The following PLA2G4A variants were observed in gnomAD, a reference collection of about 807,000 sequenced individuals.
PLA2G4A encodes cytosolic phospholipase A2.
Under a neutral mutation model 81.9 loss-of-function variants are expected in PLA2G4A, and 40 were observed. That is an observed-to-expected ratio of 0.49 (90% confidence interval 0.38 to 0.64). PLA2G4A has a LOEUF of 0.64. Among genes scored for constraint, PLA2G4A ranks in the 30% least tolerant of loss-of-function variants. The pLI is 0.00. For synonymous variants in PLA2G4A, 302 were observed against 296.9 expected, an observed-to-expected ratio of 1.02 and a Z score of -0.18; for missense variants, 715 against 905.1, an observed-to-expected ratio of 0.79 and a Z score of 2.69.
intron 12 of PLA2G4A, among the ~76,000 whole-genome samples, chr1:186,947,605 T>A (rs759733583): frequency 2.6e-5 from 4 of 152,200 alleles, no homozygotes; most frequent in Admixed American, 6.5e-5. Context: ...TTAATAAATT[T>A]GACTTAAAGC....
chr1:186,962,370 C>G (rs1344258440), intron 14 of PLA2G4A, among the ~76,000 whole-genome samples: 1 of 151,914 alleles, frequency 6.6e-6, no homozygotes, highest in African/African-American at 2.4e-5. Flanking sequence ...CTACCATACT[C>G]CCATTATTGT....
rs192456241 is a variant in PLA2G4A at position 186,979,483 on chromosome 1, C to T, written c.2118+11C>T. 675 of 1,538,940 alleles carry T rather than the reference C, an allele frequency of 4.4e-4. 1 individual carries two copies. Among genetic ancestry groups the T allele is most frequent in the Non-Finnish European group, 5.6e-4 (625 of 1,111,514 alleles). ...CTGAACAACATTGATGTAAGTATCT[C>T]CTATGGCCATTGACTATGTCAAATG... On this transcript the variant is annotated intron_variant, in intron 17 of 17. Transcript: ENST00000367466.
At chr1:186,950,565 CTG>C (rs1656519650) in intron 12 of PLA2G4A, 90 bp from the exon 13 acceptor site, 5 of 710,664 alleles carry the variant, frequency 7.0e-6, no homozygotes, top group South Asian at 5.9e-5. Flanking sequence ...AGATCTCACT[CTG>C]TGGTTTTGCT....
intron 5 of PLA2G4A, among the ~76,000 whole-genome samples, chr1:186,896,264 G>T (rs893313091): frequency 1.3e-5 from 2 of 152,166 alleles, no homozygotes; most frequent in African/African-American, 4.8e-5. Context: ...AATGTTACTT[G>T]TCATTGTTGC....
intron 7 of PLA2G4A, among the ~76,000 whole-genome samples, chr1:186,915,832 A>T (rs916006110): frequency 2.0e-5 from 3 of 152,156 alleles, no homozygotes; most frequent in African/African-American, 7.2e-5. Flanking sequence ...CAGACAACTA[A>T]GTCATCCTAC....
chr1:186,858,291 T>G (rs1408154557), intron 2 of PLA2G4A, among the ~76,000 whole-genome samples: 2 of 152,180 alleles, frequency 1.3e-5, no homozygotes, highest in African/African-American at 4.8e-5. Flanking sequence ...TTTTTTATGA[T>G]TGTCATTCTA....
chr1:186,943,631 T>A (rs1347747835), intron 10 of PLA2G4A, among the ~76,000 whole-genome samples: 2 of 152,112 alleles, frequency 1.3e-5, no homozygotes, highest in Non-Finnish European at 2.9e-5. Context: ...TGTAGAAGGA[T>A]CTATCAAGTA....
At chr1:186,974,364 A>C (rs1348697671) in intron 15 of PLA2G4A, among the ~76,000 whole-genome samples, 1 of 152,020 alleles carries the variant, frequency 6.6e-6, no homozygotes, top group African/African-American at 2.4e-5. Flanking sequence ...GTGTGGTGGC[A>C]CACACCTGTA....
chr1:186,974,669 C>T (rs112513385), intron 15 of PLA2G4A, among the ~76,000 whole-genome samples: 2,762 of 152,288 alleles, frequency 0.018, 94 homozygotes, highest in African/African-American at 0.063. Flanking sequence ...GGATAGCTAT[C>T]ATAGAACACA....
intron 13 of PLA2G4A, among the ~76,000 whole-genome samples, chr1:186,951,556 T>A (rs1481949808): frequency 6.6e-6 from 1 of 152,122 alleles, no homozygotes; most frequent in Non-Finnish European, 1.5e-5. Context: ...ACAGTTTGAA[T>A]ATGATCATCT....
chr1:186,867,276 A>G (rs1025902764), intron 2 of PLA2G4A, among the ~76,000 whole-genome samples: 5 of 152,110 alleles, frequency 3.3e-5, no homozygotes, highest in African/African-American at 1.2e-4. Flanking sequence ...TGTTGAATCT[A>G]TAGATCACAT....
intron 8 of PLA2G4A, among the ~76,000 whole-genome samples, chr1:186,935,972 A>G (rs923175200): frequency 2.0e-4 from 30 of 151,942 alleles, no homozygotes; most frequent in African/African-American, 7.0e-4. Flanking sequence ...GTGATTCATT[A>G]AATATAAGTA....
At chr1:186,841,544 G>A (rs1364035505) in intron 1 of PLA2G4A, among the ~76,000 whole-genome samples, 1 of 152,016 alleles carries the variant, frequency 6.6e-6, no homozygotes, top group Non-Finnish European at 1.5e-5. Context: ...AACTTGGTGA[G>A]GTTTATTTAT....
At chr1:186,948,235 A>C in intron 12 of PLA2G4A, among the ~76,000 whole-genome samples, 1 of 152,152 alleles carries the variant, frequency 6.6e-6, no homozygotes, top group East Asian at 1.9e-4. Flanking sequence ...TTAAAATAAA[A>C]ATAAAAACAA....
intron 14 of PLA2G4A, among the ~76,000 whole-genome samples, chr1:186,957,066 C>A (rs1461750978): frequency 6.6e-6 from 1 of 151,758 alleles, no homozygotes; most frequent in African/African-American, 2.4e-5. Context: ...GCACAATAAT[C>A]GCTTGAACCT....
chr1:186,982,807 C>T (rs1009701675), intron 17 of PLA2G4A, among the ~76,000 whole-genome samples: 3 of 152,142 alleles, frequency 2.0e-5, no homozygotes, highest in Middle Eastern at 3.4e-3. Flanking sequence ...GGCCGGGCGC[C>T]GTGGTTCACG....
intron 1 of PLA2G4A, among the ~76,000 whole-genome samples, chr1:186,830,957 G>GCTTGCTTGCTTTCTTT (rs1491468816): frequency 2.2e-4 from 18 of 82,776 alleles, no homozygotes; most frequent in South Asian, 8.0e-4. Flanking sequence ...TTGCTTGCTT[G>GCTTGCTTGCTTTCTTT]CTTTCTTTCT....
Position 186,870,657 on chromosome 1 carries a change from A to C in PLA2G4A, c.115+141A>C, listed in dbSNP as rs554156463. 6.1e-6 allele frequency: 8 copies of C among 1,305,732 alleles called. No homozygotes were observed. In the South Asian group the frequency reaches 1.0e-4, roughly 16 times the overall value. The allele number at this position is 1,305,732 out of a possible 1,614,324, so 80.9% of individuals were successfully genotyped here. ...TAGATCTTTGAATGATAACATTTCA[A>C]ACAGTTCTCTGATGCTATCTGTCAG... is the stretch of plus-strand genomic sequence containing the variant. On this transcript the variant is annotated intron_variant, in intron 3 of 17. Coordinates refer to ENST00000367466, the MANE Select transcript of PLA2G4A (RefSeq NM_024420.3).
chr1:186,890,798 A>G (rs1285393065), intron 3 of PLA2G4A, among the ~76,000 whole-genome samples: 3 of 150,796 alleles, frequency 2.0e-5, no homozygotes, highest in Non-Finnish European at 4.4e-5. Context: ...GGTTGCAGTG[A>G]GCTGAGATTG....
Sources: allele counts gnomAD v4.1 joint callset (sites outside exome capture counted in the v4.1 genomes callset), GRCh38; gene constraint gnomAD v4.1.1; transcripts MANE v1.5; gene names NCBI Gene and HGNC (gene_info 2026-07-23, HGNC 2026-07-21).